The following GABRA3 variants were observed in gnomAD, a reference collection of about 807,000 sequenced individuals.
GABRA3 encodes the protein gamma-aminobutyric acid type A receptor subunit alpha3, also known as gamma-aminobutyric acid receptor subunit alpha-3.
Under a neutral mutation model 30.1 loss-of-function variants are expected in GABRA3, and 10 were observed. The ratio of observed to expected loss-of-function variants is 0.33; its 90% CI spans 0.20 to 0.56. The LOEUF is 0.56. Among genes scored for constraint, GABRA3 ranks in the 20% least tolerant of loss-of-function variants. The probability of loss-of-function intolerance (pLI) is 0.89; values close to 1 mark genes in which losing one functional copy is unlikely to be tolerated. For synonymous variants in GABRA3, 151 were observed against 146.8 expected, an observed-to-expected ratio of 1.03 and a Z score of -0.21; for missense variants, 233 against 392.0, an observed-to-expected ratio of 0.59 and a Z score of 3.42.
intron 4 of GABRA3, among the ~76,000 whole-genome samples, chrX:152,265,407 T>C (rs780613834): frequency 1.8e-5 from 2 of 111,503 alleles, no homozygotes; most frequent in Non-Finnish European, 3.8e-5. Flanking sequence ...CAATGGGTCA[T>C]TGAAGGAATT....
At chrX:152,439,512 C>T (rs1364114226) in intron 1 of GABRA3, among the ~76,000 whole-genome samples, 3 of 111,237 alleles carry the variant, frequency 2.7e-5, no homozygotes, top group African/African-American at 9.8e-5. Flanking sequence ...GGTGGGAATG[C>T]AAAATTATAT....
At chrX:152,212,768 T>C (rs1271389490) in intron 6 of GABRA3, among the ~76,000 whole-genome samples, 2 of 112,021 alleles carry the variant, frequency 1.8e-5, no homozygotes, top group Non-Finnish European at 1.9e-5. Context: ...AGATTCTACA[T>C]GATCCTAACA....
intron 1 of GABRA3, among the ~76,000 whole-genome samples, chrX:152,449,480 A>T (rs775847923): frequency 7.8e-4 from 88 of 112,137 alleles, no homozygotes; most frequent in African/African-American, 2.8e-3. Context: ...TGTTTTTAAA[A>T]GGTGCAGTTT....
In GABRA3 at chrX:152,204,862, A is replaced by G. The variant is rs914898014; in HGVS notation, c.778+3139T>C. ...GATACTGAGGTGTCAGCAGAGCTACACTCCCTCTGAAAATTGTAGGGAAAT... is the reference window on the plus strand; with the variant it reads ...GATACTGAGGTGTCAGCAGAGCTACGCTCCCTCTGAAAATTGTAGGGAAAT... On this transcript the variant is annotated intron_variant, in intron 7 of 9. Transcript: ENST00000370314. 3.6e-5 allele frequency among the ~76,000 whole-genome samples: 4 copies of G among 111,348 alleles called. No individual in the cohort carries two copies. The East Asian group carries it at 1.1e-3, about 32-fold the overall frequency.
chrX:152,380,746 C>T (rs1372476598), intron 1 of GABRA3, among the ~76,000 whole-genome samples: 1 of 111,738 alleles, frequency 8.9e-6, no homozygotes, highest in Admixed American at 9.5e-5. Flanking sequence ...TGTATTAATG[C>T]CGGCACTTAT....
Position 152,380,275 on chromosome X carries a change from A to G in GABRA3, c.-26-15679T>C, listed in dbSNP as rs186761418. Among the ~76,000 whole-genome samples the G allele has an allele frequency of 4.4e-3, 490 of 110,829 alleles. 1 individual carries two copies. The highest frequency in any genetic ancestry group is 0.016 in the African/African-American group (475 of 30,494). On this transcript the variant is annotated intron_variant, in intron 1 of 9. Transcript: ENST00000370314. The stretch of plus-strand genomic sequence containing the variant: ...CATTCCTTTCTCTCTACCCCACCCA[A>G]TCTCTGGTAAGTATCATTCTACTCT...
intron 6 of GABRA3, among the ~76,000 whole-genome samples, chrX:152,212,098 C>T (rs2035268735): frequency 9.6e-6 from 1 of 104,330 alleles, no homozygotes; most frequent in Admixed American, 1.0e-4. Flanking sequence ...ACCTGGGCAA[C>T]ATAGAAGGAA....
intron 4 of GABRA3, among the ~76,000 whole-genome samples, chrX:152,270,666 C>T (rs1938915326): frequency 9.1e-6 from 1 of 110,279 alleles, no homozygotes; most frequent in Non-Finnish European, 1.9e-5. Flanking sequence ...ACCAGCCTGG[C>T]CAACGTGGTG....
intron 9 of GABRA3, among the ~76,000 whole-genome samples, chrX:152,182,024 T>A (rs1937155897): frequency 9.1e-6 from 1 of 110,182 alleles, no homozygotes; most frequent in African/African-American, 3.3e-5. Context: ...GAGTATGATG[T>A]TAGCTGTGGG....
chrX:152,248,674 A>G (rs1391226629), intron 5 of GABRA3, among the ~76,000 whole-genome samples: 1 of 111,336 alleles, frequency 9.0e-6, no homozygotes, highest in East Asian at 2.8e-4. Context: ...CATGTCTTTC[A>G]CTTTAAAAAA....
Position 152,226,045 on chromosome X carries a change from C to G in GABRA3, c.552-1200G>C, listed in dbSNP as rs192184352. ...GAAAAAAACATGCCTCACTTCTATG[C>G]AATTACCAAAGAAGCCTGTGGGGAA... On this transcript the variant is annotated intron_variant, in intron 5 of 9. Transcript: ENST00000370314. Among the ~76,000 whole-genome samples, 116 of 111,115 alleles carry G rather than the reference C, an allele frequency of 1.0e-3. 1 individual carries two copies. Among genetic ancestry groups the G allele is most frequent in the African/African-American group, 3.4e-3 (103 of 30,626 alleles).
At chrX:152,350,006 T>C (rs1276623198) in intron 2 of GABRA3, among the ~76,000 whole-genome samples, 6 of 81,139 alleles carry the variant, frequency 7.4e-5, no homozygotes, top group Non-Finnish European at 1.4e-4. Context: ...AATATACATT[T>C]TTTTCAGCAC....
chrX:152,214,087 C>T (rs902188385), intron 6 of GABRA3, among the ~76,000 whole-genome samples: 1 of 110,913 alleles, frequency 9.0e-6, no homozygotes, highest in Non-Finnish European at 1.9e-5. Context: ...ACCCTCTCAC[C>T]TTTTGGAATC....
chrX:152,339,984 C>T (rs1480018058), intron 3 of GABRA3, among the ~76,000 whole-genome samples: 1 of 111,848 alleles, frequency 8.9e-6, no homozygotes, highest in Non-Finnish European at 1.9e-5. Flanking sequence ...ACCACCTCTG[C>T]CTTTAAATAT....
rs776219995 is a variant in GABRA3 at position 152,353,936 on chromosome X, C to A, written c.141-8234G>T. Among the ~76,000 whole-genome samples, 3 of 111,631 alleles carry A rather than the reference C, an allele frequency of 2.7e-5. No individual in the cohort carries two copies. In the South Asian group the frequency reaches 1.1e-3, roughly 42 times the overall value. ...TCCCTGTTCTGTGTTACAAATTCTG[C>A]ACTTCCACCTCAAAAGGGAAAATGG... On this transcript the variant is annotated intron_variant, in intron 2 of 9. Coordinates refer to ENST00000370314, the MANE Select transcript of GABRA3 (RefSeq NM_000808.4).
rs534997184 is a variant in GABRA3 at position 152,413,302 on chromosome X, G to A, written c.-27+37844C>T. ...TGAATAGGAAAGAACAGTAATAAAC[G>A]GATTTTATGAGGCCAGTATTGTCCT... On this transcript the variant is annotated intron_variant, in intron 1 of 9. Coordinates refer to ENST00000370314, the MANE Select transcript of GABRA3 (RefSeq NM_000808.4). Among the ~76,000 whole-genome samples the A allele has an allele frequency of 5.1e-4, 56 of 110,236 alleles. 1 individual carries two copies. The highest frequency in any genetic ancestry group is 1.5e-3 in the South Asian group (4 of 2,611).
Position 152,345,717 on chromosome X carries a change from G to C in GABRA3, c.141-15C>G. The C allele has an allele frequency of 8.8e-7, 1 of 1,138,038 alleles. No homozygotes were observed. Among genetic ancestry groups the C allele is most frequent in the Non-Finnish European group, 1.2e-6 (1 of 866,934 alleles). The allele number at this position is 1,138,038 out of a possible 1,213,427, so 93.8% of individuals were successfully genotyped here. A position where few individuals can be genotyped will look rare whatever the true frequency, so the allele number is the denominator to read the frequency against. On this transcript the variant is annotated splice_polypyrimidine_tract_variant and intron_variant, in intron 2 of 9. Transcript: ENST00000370314. ...TAGGAGACAGCCTGAGGCAATGCAA[G>C]GAAAAGAAAAAAAATAATAGTTCTT...
chrX:152,278,454 G>T (rs1484370042), intron 4 of GABRA3, among the ~76,000 whole-genome samples: 1 of 111,160 alleles, frequency 9.0e-6, no homozygotes, highest in Non-Finnish European at 1.9e-5. Context: ...AGTTTTTATG[G>T]CTGCATAGTA....
chrX:152,240,096 T>C (rs1603222615), intron 5 of GABRA3, among the ~76,000 whole-genome samples: 1 of 99,494 alleles, frequency 1.0e-5, no homozygotes. Context: ...GTCTCGATGG[T>C]CTTTACATTT....
Sources: gnomAD v4.1 joint callset for allele counts (sites outside exome capture counted in the v4.1 genomes callset) on GRCh38, gnomAD v4.1.1 for gene constraint, MANE v1.5 for transcripts, NCBI Gene and HGNC (gene_info 2026-07-23, HGNC 2026-07-21) for gene names.